The following PRELID2 variants were observed in gnomAD, a reference collection of about 807,000 sequenced individuals.
The protein encoded by PRELID2 is PRELI domain-containing protein 2.
A neutral mutation model predicts 28.4 loss-of-function variants in PRELID2; 25 were observed. The observed-to-expected ratio is 0.88, with a 90% confidence interval of 0.64 to 1.23. The LOEUF (loss-of-function observed/expected upper bound fraction) is 1.23. Ranked by LOEUF, PRELID2 falls within the 50% of genes most tolerant of loss-of-function variation. PRELID2 has a pLI of 0.00. For synonymous variants in PRELID2, 76 were observed against 71.6 expected, an observed-to-expected ratio of 1.06 and a Z score of -0.31; for missense variants, 201 against 214.4, an observed-to-expected ratio of 0.94 and a Z score of 0.39.
intron 1 of PRELID2, among the ~76,000 whole-genome samples, chr5:145,619,106 G>A (rs76569685): frequency 0.12 from 17,692 of 152,094 alleles, 1,388 homozygotes; most frequent in Admixed American, 0.21. Context: ...CAGGCTACCC[G>A]CCTCCCAGCT....
chr5:145,666,129 AT>A (rs1754589401), intron 1 of PRELID2, among the ~76,000 whole-genome samples: 1 of 151,968 alleles, frequency 6.6e-6, no homozygotes, highest in Non-Finnish European at 1.5e-5. Context: ...CTCTCCAGGT[AT>A]TTCTCTCCTT....
the PRELID2 span, among the ~76,000 whole-genome samples, chr5:145,359,655 G>A: frequency 6.6e-6 from 1 of 152,176 alleles, no homozygotes; most frequent in East Asian, 1.9e-4. Flanking sequence ...AAAGCTGGAA[G>A]GCTATGTACT....
At chr5:145,710,185 A>G (rs963283721) in intron 1 of PRELID2, among the ~76,000 whole-genome samples, 1 of 152,154 alleles carries the variant, frequency 6.6e-6, no homozygotes, top group Non-Finnish European at 1.5e-5. Context: ...ACTTTGCTTA[A>G]GGCACAATAT....
At chr5:145,474,110 C>A (rs1381724219) in intron 1 of PRELID2, among the ~76,000 whole-genome samples, 1 of 152,162 alleles carries the variant, frequency 6.6e-6, no homozygotes, top group Non-Finnish European at 1.5e-5. Context: ...GAGTGTTACG[C>A]CCACATGGGC....
chr5:145,806,247 C>T (rs1753498563), intron 4 of PRELID2, among the ~76,000 whole-genome samples: 1 of 152,108 alleles, frequency 6.6e-6, no homozygotes, highest in African/African-American at 2.4e-5. Flanking sequence ...AAACACATTG[C>T]ATAACTGTAC....
At chr5:145,748,572 G>T (rs1029939239) in intron 1 of PRELID2, among the ~76,000 whole-genome samples, 4 of 152,172 alleles carry the variant, frequency 2.6e-5, no homozygotes, top group African/African-American at 7.2e-5. Flanking sequence ...TAGATTCAAT[G>T]CTATTCCCAT....
intron 3 of PRELID2, among the ~76,000 whole-genome samples, chr5:145,818,350 G>C (rs1420491016): frequency 6.6e-6 from 1 of 152,148 alleles, no homozygotes; most frequent in African/African-American, 2.4e-5. Flanking sequence ...CTCCTCTAAG[G>C]CTGGTTATGG....
the PRELID2 span, among the ~76,000 whole-genome samples, chr5:145,357,028 T>C: frequency 3.7e-3 from 571 of 152,344 alleles, 4 homozygotes; most frequent in African/African-American, 0.013. Context: ...AAATTCTTGG[T>C]TGGAATTTCC....
At chr5:145,419,467 T>A in the PRELID2 span, among the ~76,000 whole-genome samples, 2 of 127,154 alleles carry the variant, frequency 1.6e-5, no homozygotes, top group African/African-American at 5.9e-5. Context: ...GATTTGCATT[T>A]CTCTGATGGC....
At position 145,596,559 on chromosome 5, in the gene PRELID2, G is replaced by A. The variant is rs1753310082; in HGVS notation, n.71-123244C>T. Reference sequence around the variant, plus strand: ...TTCCTGCTCATCAAACTCTAAGACTGCTCATCAAACTCTAAGACCAAGCCT... The same window carrying A: ...TTCCTGCTCATCAAACTCTAAGACTACTCATCAAACTCTAAGACCAAGCCT... On this transcript the variant is annotated intron_variant and non_coding_transcript_variant, in intron 1 of 2. Coordinates refer to the PRELID2 transcript ENST00000510259. Among the ~76,000 whole-genome samples the A allele has an allele frequency of 2.6e-5, 4 of 151,610 alleles. No homozygotes were observed. The East Asian group carries it at 7.7e-4, about 29-fold the overall frequency.
At chr5:145,594,921 A>T (rs1164521337) in intron 1 of PRELID2, among the ~76,000 whole-genome samples, 1 of 152,122 alleles carries the variant, frequency 6.6e-6, no homozygotes, top group African/African-American at 2.4e-5. Context: ...TGAGGTCAGA[A>T]GTTCAAGATC....
rs531793424 is a variant in PRELID2, at chr5:145,509,264, T to C, written n.71-35949A>G. ...CTACATACACTTTCTCGTCGAAAGC[T>C]GCAACAGATTTATCAGGTTTATTTT... On this transcript the variant is annotated intron_variant and non_coding_transcript_variant, in intron 1 of 2. Coordinates refer to the PRELID2 transcript ENST00000510259. Among the ~76,000 whole-genome samples, 5 of 152,326 alleles carry C rather than the reference T, an allele frequency of 3.3e-5. No individual in the cohort carries two copies. In the South Asian group the frequency reaches 1.0e-3, roughly 32 times the overall value.
At chr5:145,280,569 T>C in the PRELID2 span, among the ~76,000 whole-genome samples, 3 of 152,000 alleles carry the variant, frequency 2.0e-5, no homozygotes, top group Non-Finnish European at 4.4e-5. Context: ...AGTTAATGGG[T>C]ACAGCACACC....
chr5:145,601,416 A>G (rs1753396275), intron 1 of PRELID2, among the ~76,000 whole-genome samples: 2 of 152,284 alleles, frequency 1.3e-5, no homozygotes, highest in South Asian at 4.1e-4. Context: ...AAATAAGTCT[A>G]ATTAGAATCC....
At position 145,700,659 on chromosome 5, in the gene PRELID2, T is replaced by C. The variant is rs115422459; in HGVS notation, n.70+64272A>G. On this transcript the variant is annotated intron_variant and non_coding_transcript_variant, in intron 1 of 2. Transcript: ENST00000510259. ...TGTCCTTGCTGCCCACCACAGGTTC[T>C]CCCAGGGGTCCCCAAGGACCAGCCA... Among the ~76,000 whole-genome samples the C allele has an allele frequency of 4.4e-3, 676 of 152,224 alleles. 1 individual carries two copies. Among genetic ancestry groups the C allele is most frequent in the African/African-American group, 0.016 (654 of 41,544 alleles).
At chr5:145,312,191 C>CAAA in the PRELID2 span, among the ~76,000 whole-genome samples, 1 of 141,920 alleles carries the variant, frequency 7.0e-6, no homozygotes, top group Non-Finnish European at 1.5e-5. Flanking sequence ...ACTAAAAATA[C>CAAA]AAAAAAAAAA....
chr5:145,741,381 T>G (rs1262884823), intron 1 of PRELID2, among the ~76,000 whole-genome samples: 2 of 108,376 alleles, frequency 1.8e-5, no homozygotes, highest in Non-Finnish European at 3.4e-5. Context: ...TAAATTTTAT[T>G]TATAAATTAT....
At chr5:145,718,053 A>G (rs1001647389) in intron 1 of PRELID2, among the ~76,000 whole-genome samples, 1 of 152,062 alleles carries the variant, frequency 6.6e-6, no homozygotes, top group African/African-American at 2.4e-5. Flanking sequence ...AGCAAAGAAC[A>G]AATCTGACAC....
intron 1 of PRELID2, among the ~76,000 whole-genome samples, chr5:145,747,640 A>AG (rs2149748112): frequency 6.4e-5 from 1 of 15,686 alleles, no homozygotes; most frequent in East Asian, 8.6e-3. Flanking sequence ...TATTCCAAAC[A>AG]ATAAAAAACA....
Sources: allele counts gnomAD v4.1 joint callset (sites outside exome capture counted in the v4.1 genomes callset), GRCh38; gene constraint gnomAD v4.1.1; transcripts MANE v1.5; gene names NCBI Gene and HGNC (gene_info 2026-07-23, HGNC 2026-07-21).